DIP2C: variants seen among roughly 807,000 people sequenced by gnomAD.
DIP2C encodes the protein DIP2 acetate--CoA ligase C (putative).
A neutral mutation model predicts 192.4 loss-of-function variants in DIP2C; 33 were observed. The ratio of observed to expected loss-of-function variants is 0.17; its 90% confidence interval spans 0.13 to 0.23. DIP2C has a LOEUF of 0.23. Among genes scored for constraint, DIP2C ranks in the 10% least tolerant of loss-of-function variants. The probability of loss-of-function intolerance (pLI) is 1.00; values close to 1 mark genes in which losing one functional copy is unlikely to be tolerated. For missense variants in DIP2C, 1,537 were observed against 2,110.1 expected (o/e 0.73, Z 5.32); for synonymous variants, 979 against 864.1 (o/e 1.13, Z -2.33).
At chr10:341,163 T>C in intron 29 of DIP2C, 36 bp downstream of exon 29, 1 of 1,608,380 alleles carries the variant, frequency 6.2e-7, no homozygotes, top group Non-Finnish European at 8.5e-7. Flanking sequence ...AGGTGCATGA[T>C]TTTTTTTAAT....
chr10:557,863 G>GGGCAGGCA (rs1189027747), intron 1 of DIP2C, among the ~76,000 whole-genome samples: 21 of 105,422 alleles, frequency 2.0e-4, no homozygotes, highest in African/African-American at 7.2e-4. Context: ...GAGGGGGCAG[G>GGGCAGGCA]GGCAGGCAGG....
In DIP2C at chr10:417,748, G is replaced by A. The variant is rs866015970; in HGVS notation, c.739+1317C>T. Among the ~76,000 whole-genome samples the A allele has an allele frequency of 1.4e-4, 16 of 114,540 alleles. 2 individuals carry two copies. The highest frequency in any genetic ancestry group is 4.9e-4 in the East Asian group (2 of 4,092). 75.1% of individuals were successfully genotyped at this position (114,540 alleles called of 152,430 possible). A position where few individuals can be genotyped will look rare whatever the true frequency, so the allele number is the denominator to read the frequency against. Reference sequence around the variant, plus strand: ...TGTCTGCCTGCGCCTGTCAGGGCTCGGATAGGCATCCCTGTCCACCTGCAC... The same window carrying A: ...TGTCTGCCTGCGCCTGTCAGGGCTCAGATAGGCATCCCTGTCCACCTGCAC... On this transcript the variant is annotated intron_variant, in intron 6 of 36. Transcript: ENST00000280886.
intron 1 of DIP2C, among the ~76,000 whole-genome samples, chr10:607,730 G>C (rs1280272886): frequency 6.6e-6 from 1 of 152,156 alleles, no homozygotes; most frequent in African/African-American, 2.4e-5. Flanking sequence ...TTGTGAGCCA[G>C]AGACCATCTG....
intron 1 of DIP2C, among the ~76,000 whole-genome samples, chr10:599,102 T>TC (rs1462310401): frequency 6.6e-6 from 1 of 151,984 alleles, no homozygotes; most frequent in Non-Finnish European, 1.5e-5. Context: ...CCACAGCCAC[T>TC]CTCCCAGCGT....
intron 30 of DIP2C, among the ~76,000 whole-genome samples, chr10:327,930 T>C (rs1250907624): frequency 1.3e-5 from 2 of 152,154 alleles, no homozygotes; most frequent in Non-Finnish European, 2.9e-5. Context: ...CTCAGCTCAC[T>C]CTGTGGCACT....
chr10:614,041 G>A (rs1024530099), intron 1 of DIP2C, among the ~76,000 whole-genome samples: 3 of 152,206 alleles, frequency 2.0e-5, no homozygotes, highest in East Asian at 1.9e-4. Context: ...CTCCATGGCA[G>A]GACAGTCACC....
At chr10:484,736 T>C (rs777979811) in intron 2 of DIP2C, 4 of 1,594,012 alleles carry the variant, frequency 2.5e-6, no homozygotes, top group Non-Finnish European at 3.4e-6. Flanking sequence ...CCTTTTCTAA[T>C]GTGTACCCTG....
At chr10:536,395 G>C (rs181437592) in intron 1 of DIP2C, among the ~76,000 whole-genome samples, 2 of 152,300 alleles carry the variant, frequency 1.3e-5, no homozygotes, top group Non-Finnish European at 2.9e-5. Context: ...GGCTAGAGTT[G>C]TATCTATCTG....
chr10:518,138 C>T (rs115017641), intron 1 of DIP2C, among the ~76,000 whole-genome samples: 1 of 152,352 alleles, frequency 6.6e-6, no homozygotes, highest in African/African-American at 2.4e-5. Context: ...CAGTCACAGG[C>T]ATGAGGCCTG....
intron 8 of DIP2C, 29 bp downstream of exon 8, chr10:413,884 A>T (rs772330601): frequency 6.2e-7 from 1 of 1,603,150 alleles, no homozygotes; most frequent in Non-Finnish European, 8.5e-7. Flanking sequence ...GGGGGTGGGC[A>T]AAGGGCAGAG....
chr10:294,610 AAAGAG>A (rs922651936), intron 32 of DIP2C, among the ~76,000 whole-genome samples: 2 of 152,032 alleles, frequency 1.3e-5, no homozygotes, highest in African/African-American at 4.8e-5. Context: ...GAAAAAAAAA[AAAGAG>A]AAGAAAAAAA....
chr10:680,525 A>C (rs1831093256), intron 1 of DIP2C, among the ~76,000 whole-genome samples: 1 of 152,190 alleles, frequency 6.6e-6, no homozygotes, highest in Non-Finnish European at 1.5e-5. Flanking sequence ...TGATTCTATC[A>C]CTGACAAAGA....
chr10:647,986 G>A (rs542380119), intron 1 of DIP2C, among the ~76,000 whole-genome samples: 8 of 151,548 alleles, frequency 5.3e-5, no homozygotes, highest in Admixed American at 1.3e-4. Context: ...CACATTGGAC[G>A]GTGGGAGAGA....
intron 1 of DIP2C, among the ~76,000 whole-genome samples, chr10:579,200 T>C (rs1174306725): frequency 1.3e-5 from 2 of 152,056 alleles, no homozygotes. Flanking sequence ...TGTACATGCA[T>C]AGAGCATACA....
At chr10:366,451 G>T (rs1257038122) in intron 18 of DIP2C, 40 bp from the exon 19 acceptor site, 1 of 1,612,942 alleles carries the variant, frequency 6.2e-7, no homozygotes, top group Admixed American at 1.7e-5. Flanking sequence ...GTGAGAGGGG[G>T]CAGGTGGGGA....
intron 31 of DIP2C, chr10:311,572 G>A: frequency 8.1e-7 from 1 of 1,232,504 alleles, no homozygotes; most frequent in Non-Finnish European, 1.0e-6. Context: ...TGAGGCTACA[G>A]CAGCAGAAGG....
chr10:331,371 A>G (rs1458950822), intron 29 of DIP2C, among the ~76,000 whole-genome samples: 24 of 152,154 alleles, frequency 1.6e-4, no homozygotes, highest in Non-Finnish European at 2.9e-5. Flanking sequence ...GCAATTTTCC[A>G]TTTCTTTCCT....
intron 10 of DIP2C, among the ~76,000 whole-genome samples, chr10:396,825 G>A (rs541435120): frequency 3.4e-5 from 2 of 58,050 alleles, no homozygotes; most frequent in Admixed American, 3.9e-4. Flanking sequence ...TGCAAATCCG[G>A]TGGGGGGGGG....
intron 1 of DIP2C, among the ~76,000 whole-genome samples, chr10:563,483 C>T (rs901173694): frequency 6.6e-6 from 1 of 152,174 alleles, no homozygotes; most frequent in Admixed American, 6.5e-5. Flanking sequence ...CATGCAATGG[C>T]ATAGTAGCTA....
Sources: allele counts gnomAD v4.1 joint callset (sites outside exome capture counted in the v4.1 genomes callset), GRCh38; gene constraint gnomAD v4.1.1; transcripts MANE v1.5; gene names NCBI Gene and HGNC (gene_info 2026-07-23, HGNC 2026-07-21).